ITGB6: variants seen among roughly 807,000 people sequenced by gnomAD.
ITGB6 encodes the protein integrin subunit beta 6.
In ITGB6, 80 loss-of-function variants were observed where a neutral mutation model predicts 84.5. The observed-to-expected ratio is 0.95, with a 90% CI of 0.79 to 1.14. The LOEUF (loss-of-function observed/expected upper bound fraction) is 1.14. ITGB6 is among the 50% of genes most tolerant of loss of function. The pLI is 0.00. For synonymous variants in ITGB6, 383 were observed against 354.9 expected (o/e 1.08, Z -0.89); for missense variants, 1,006 against 968.0 (o/e 1.04, Z -0.52).
At chr2:160,126,341 C>G (rs778489013) in intron 11 of ITGB6, 38 bp downstream of exon 11, 3 of 1,578,580 alleles carry the variant, frequency 1.9e-6, no homozygotes, top group Admixed American at 1.7e-5. Context: ...CACTATAAAC[C>G]TATCCACATA....
Position 160,123,790 on chromosome 2 carries a change from CCTT to C in ITGB6, c.1979_1981del (p.Glu660del), listed in dbSNP as rs1683130870. The C allele has an allele frequency of 1.9e-6, 3 of 1,611,096 alleles. No individual in the cohort carries two copies. Among genetic ancestry groups the C allele is most frequent in the Non-Finnish European group, 1.7e-6 (2 of 1,177,492 alleles). On this transcript the variant is annotated inframe_deletion and splice_region_variant, in exon 12 of 15. Transcript: ENST00000283249. ...GAAAAACAATTTAAGACAAGCAGAA[CCTT>C]CTTCTTCACTGATGGTCGCACCAGC...
Position 160,172,669 on chromosome 2 carries a change from G to A in ITGB6, c.821C>T (p.Ser274Phe). Residue 274 changes from serine (S) to phenylalanine (F), a missense_variant, in exon 6 of 15, where the codon TCT becomes TTT. Ser to Phe is a radical substitution (Grantham distance 155). Transcript: ENST00000283249. ...TAGTTTGCTGTCCATTCCAAAATGA[G>A]AATCAGCATCACTCACAAAGACCAG... ...HLLVFVSDAD[S>F]HFGMDSKLAG... 1 of 1,611,446 alleles carries A rather than the reference G, an allele frequency of 6.2e-7. No individual in the cohort carries two copies. The highest frequency in any genetic ancestry group is 8.5e-7 in the Non-Finnish European group (1 of 1,177,738).
At chr2:160,136,852 G>A (rs574960854) in intron 10 of ITGB6, among the ~76,000 whole-genome samples, 7 of 150,980 alleles carry the variant, frequency 4.6e-5, no homozygotes, top group Admixed American at 1.3e-4. Context: ...ATTGAACAAT[G>A]AGAACACATG....
chr2:160,199,286 G>T, intron 1 of ITGB6, 28 bp from the exon 2 acceptor site: 3 of 1,555,420 alleles, frequency 1.9e-6, no homozygotes, highest in Middle Eastern at 3.4e-4. Flanking sequence ...AAGATGCAGG[G>T]ATTAAGTACA....
chr2:160,167,694 C>T (rs912704526), intron 7 of ITGB6, among the ~76,000 whole-genome samples: 2 of 152,130 alleles, frequency 1.3e-5, no homozygotes, highest in East Asian at 1.9e-4. Flanking sequence ...TCTGTTTTGC[C>T]ATGTAGTTAT....
chr2:160,107,971 C>T, intron 13 of ITGB6, 126 bp from the exon 14 acceptor site: 1 of 785,344 alleles, frequency 1.3e-6, no homozygotes, highest in Non-Finnish European at 2.0e-6. Context: ...CCATTTTCGC[C>T]TTGCTTAAAT....
chr2:160,140,365 T>A (rs1683952657), intron 8 of ITGB6, among the ~76,000 whole-genome samples: 1 of 152,216 alleles, frequency 6.6e-6, no homozygotes, highest in Non-Finnish European at 1.5e-5. Context: ...TTGCGTGAAG[T>A]ATTTGGGATC....
intron 14 of ITGB6, among the ~76,000 whole-genome samples, chr2:160,107,300 C>T (rs1696947536): frequency 6.6e-6 from 1 of 152,098 alleles, no homozygotes; most frequent in African/African-American, 2.4e-5. Context: ...TTCATTATAA[C>T]ATAACCAATT....
intron 4 of ITGB6, among the ~76,000 whole-genome samples, chr2:160,184,558 G>A (rs1685817302): frequency 6.6e-6 from 1 of 152,106 alleles, no homozygotes; most frequent in Non-Finnish European, 1.5e-5. Context: ...GTACAAAGAG[G>A]AGCTGGTACC....
intron 7 of ITGB6, among the ~76,000 whole-genome samples, chr2:160,163,774 T>C (rs1478975095): frequency 6.6e-6 from 1 of 152,210 alleles, no homozygotes; most frequent in Non-Finnish European, 1.5e-5. Flanking sequence ...TAGATTCAGA[T>C]TATCTGAGTT....
At position 160,101,214 on chromosome 2, in the gene ITGB6, T is replaced by C. The variant is rs886810754; in HGVS notation, c.*522A>G. The C allele has an allele frequency of 6.5e-6, 1 of 152,760 alleles. No individual in the cohort carries two copies. The highest frequency in any genetic ancestry group is 2.4e-5 in the African/African-American group (1 of 41,456). 9.5% of individuals were successfully genotyped at this position (152,760 alleles called of 1,614,324 possible). A position where few individuals can be genotyped will look rare whatever the true frequency, so the allele number is the denominator to read the frequency against. On this transcript the variant is annotated 3_prime_UTR_variant, in exon 15 of 15. Transcript: ENST00000283249. ...AACTTTCAACCTTATATTTGAGATA[T>C]CTTCAGAAGAATTGCAACCTTTTAG... is the stretch of plus-strand genomic sequence containing the variant.
rs932744812 is a variant in ITGB6 at position 160,167,662 on chromosome 2, A to C, written c.1017+1550T>G. Among the ~76,000 whole-genome samples the C allele has an allele frequency of 3.2e-4, 49 of 152,222 alleles. 1 individual carries two copies. The highest frequency in any genetic ancestry group is 2.9e-5 in the Non-Finnish European group (2 of 68,038). On this transcript the variant is annotated intron_variant, in intron 7 of 14. Transcript: ENST00000283249. ...CTTGCAACGGGGGAATCATGGATGC[A>C]ACTAGCTTAAATCCGACAGGCTCTG... is the stretch of plus-strand genomic sequence containing the variant.
intron 7 of ITGB6, among the ~76,000 whole-genome samples, chr2:160,154,043 G>A (rs146688850): frequency 0.14 from 21,652 of 152,152 alleles, 2,076 homozygotes; most frequent in East Asian, 0.31. Context: ...CAAGGATCTA[G>A]AACTAGAAGT....
chr2:160,116,307 T>G (rs1239897038), intron 12 of ITGB6, among the ~76,000 whole-genome samples: 4 of 151,166 alleles, frequency 2.6e-5, no homozygotes, highest in East Asian at 3.9e-4. Context: ...GACTAACAGC[T>G]GATCTCTTGG....
In ITGB6 at chr2:160,103,788, A is replaced by G. The variant is rs185471799; in HGVS notation, c.2269-1954T>C. 2.6e-5 allele frequency among the ~76,000 whole-genome samples: 4 copies of G among 152,320 alleles called. No homozygotes were observed. The East Asian group carries it at 7.7e-4, about 29-fold the overall frequency. On this transcript the variant is annotated intron_variant, in intron 14 of 14. Transcript: ENST00000283249. ...CCTGGAGGAATTTCCCACTTCCTCC[A>G]GGAAGCTCCCACCTTTGTGAACAGA...
At chr2:160,113,140 C>T (rs1412299491) in intron 12 of ITGB6, among the ~76,000 whole-genome samples, 4 of 152,084 alleles carry the variant, frequency 2.6e-5, no homozygotes, top group African/African-American at 7.2e-5. Context: ...GGACATAGGT[C>T]CAAAATTAGT....
chr2:160,142,608 G>A lies in ITGB6; in HGVS notation c.1018-537C>T, dbSNP rs570207014. ...AGCTCTCCCTTCCTCCTGGTAATGA[G>A]CTCCCTTTCAGGATGCTAGCACCGT... On this transcript the variant is annotated intron_variant, in intron 7 of 14. Coordinates refer to ENST00000283249, the MANE Select transcript of ITGB6 (RefSeq NM_000888.5). Among the ~76,000 whole-genome samples, 6 of 152,294 alleles carry A rather than the reference G, an allele frequency of 3.9e-5. No individual in the cohort carries two copies. In the East Asian group the frequency reaches 1.2e-3, roughly 29 times the overall value.
intron 7 of ITGB6, among the ~76,000 whole-genome samples, chr2:160,142,480 G>A (rs1377129051): frequency 2.6e-5 from 4 of 152,190 alleles, no homozygotes; most frequent in African/African-American, 9.7e-5. Context: ...GTGCACATGG[G>A]CAATGAGGGG....
rs1696688707 is a variant in ITGB6, at chr2:160,100,840, A to T, written c.*896T>A. 6.6e-6 allele frequency: 1 copy of T among 152,162 alleles called. No homozygotes were observed. The allele number at this position is 152,162 out of a possible 1,614,324, so 9.4% of individuals were successfully genotyped here. A position where few individuals can be genotyped will look rare whatever the true frequency, so the allele number is the denominator to read the frequency against. On this transcript the variant is annotated 3_prime_UTR_variant, in exon 15 of 15. Coordinates refer to ENST00000283249, the MANE Select transcript of ITGB6 (RefSeq NM_000888.5). ...ATTGTGTTTAACACATGTTCCTTTT[A>T]TATTATTGGATCGCTCTTTGAATAA...
Sources: gnomAD v4.1 joint callset for allele counts (sites outside exome capture counted in the v4.1 genomes callset) on GRCh38, gnomAD v4.1.1 for gene constraint, MANE v1.5 for transcripts, NCBI Gene and HGNC (gene_info 2026-07-23, HGNC 2026-07-21) for gene names.